Variants in ACSF3 observed in about 807,000 individuals in gnomAD.
The protein encoded by ACSF3 is acyl-CoA synthetase family member 3, also known as malonate--CoA ligase ACSF3, mitochondrial.
A neutral mutation model predicts 53.2 loss-of-function variants in ACSF3; 78 were observed. That is an observed-to-expected ratio of 1.47 (90% confidence interval 1.22 to 1.77). The LOEUF is 1.77. Ranked by LOEUF, ACSF3 falls within the 40% of genes most tolerant of loss-of-function variation. The pLI is 0.00. For missense variants in ACSF3, 937 were observed against 771.1 expected (o/e 1.22, Z -2.55); for synonymous variants, 414 against 333.1 (o/e 1.24, Z -2.65).
chr16:89,142,774 G>A (rs1463972377), intron 8 of ACSF3, among the ~76,000 whole-genome samples: 2 of 112,868 alleles, frequency 1.8e-5, no homozygotes, highest in African/African-American at 6.7e-5. Flanking sequence ...CACCTACAGA[G>A]ACACCCACAC....
chr16:89,143,714 G>A (rs1912333544), intron 8 of ACSF3, among the ~76,000 whole-genome samples: 1 of 152,154 alleles, frequency 6.6e-6, no homozygotes, highest in East Asian at 1.9e-4. Context: ...CAGGGGCGCA[G>A]TGAGACCACT....
At chr16:89,102,307 A>G (rs907611926) in intron 3 of ACSF3, 11 of 456,464 alleles carry the variant, frequency 2.4e-5, no homozygotes, top group Non-Finnish European at 4.1e-5. Context: ...GCAGGGGCGG[A>G]GCTCTGTCGA....
intron 8 of ACSF3, among the ~76,000 whole-genome samples, chr16:89,142,339 A>G (rs530631376): frequency 1.3e-5 from 2 of 152,310 alleles, no homozygotes; most frequent in East Asian, 1.9e-4. Flanking sequence ...CAAGGCCTAC[A>G]GCAGGGTCTC....
chr16:89,155,850 C>T lies in ACSF3; in HGVS notation c.*1643C>T. 1 of 445,104 alleles carries T rather than the reference C, an allele frequency of 2.2e-6. No homozygotes were observed. The highest frequency in any genetic ancestry group is 4.5e-6 in the Non-Finnish European group (1 of 222,706). 27.6% of individuals were successfully genotyped at this position (445,104 alleles called of 1,614,324 possible). On this transcript the variant is annotated 3_prime_UTR_variant, in exon 11 of 11. Transcript: ENST00000614302. ...ATCATTTGCTTTATCCGATAGTATA[C>T]ATCAGTATATCATGCTTTCGAAATA...
chr16:89,109,291 G>A (rs1438862847), intron 4 of ACSF3, among the ~76,000 whole-genome samples: 1 of 150,114 alleles, frequency 6.7e-6, no homozygotes, highest in Non-Finnish European at 1.5e-5. Flanking sequence ...CAAAATGGCT[G>A]TGTTGCTGTA....
chr16:89,153,383 C>A (rs1057257580), intron 10 of ACSF3: 1 of 155,372 alleles, frequency 6.4e-6, no homozygotes, highest in Non-Finnish European at 1.4e-5. Flanking sequence ...CCCAGCGCCT[C>A]GTCCCTGCCC....
intron 10 of ACSF3, 37 bp downstream of exon 10, chr16:89,146,086 G>C (rs376662531): frequency 2.0e-6 from 3 of 1,472,176 alleles, no homozygotes; most frequent in Non-Finnish European, 1.9e-6. Flanking sequence ...GCACTCATGG[G>C]GTCTTGGGGG....
chr16:89,112,973 A>G (rs1287339566), intron 5 of ACSF3, among the ~76,000 whole-genome samples: 2 of 151,892 alleles, frequency 1.3e-5, no homozygotes, highest in Non-Finnish European at 2.9e-5. Flanking sequence ...TCCCAGGACA[A>G]GCTGGTCTTT....
At chr16:89,133,372 A>T (rs1413602543) in intron 8 of ACSF3, 110 bp downstream of exon 8, 2 of 1,486,484 alleles carry the variant, frequency 1.3e-6, no homozygotes, top group East Asian at 4.7e-5. Flanking sequence ...ATTTTCAGCC[A>T]AAGGCAGAAG....
At chr16:89,134,311 A>G (rs1249671031) in intron 8 of ACSF3, among the ~76,000 whole-genome samples, 5 of 152,176 alleles carry the variant, frequency 3.3e-5, no homozygotes, top group Non-Finnish European at 5.9e-5. Flanking sequence ...GGGCCACAGA[A>G]AAGAACCATG....
chr16:89,100,132 C>T (rs543701235), intron 2 of ACSF3, among the ~76,000 whole-genome samples: 1 of 152,238 alleles, frequency 6.6e-6, no homozygotes, highest in Non-Finnish European at 1.5e-5. Flanking sequence ...CACAGCAAGA[C>T]CCTGTCTCAA....
chr16:89,126,245 A>C (rs1241454749), intron 7 of ACSF3, among the ~76,000 whole-genome samples: 3 of 152,192 alleles, frequency 2.0e-5, no homozygotes, highest in African/African-American at 7.2e-5. Context: ...AACTATTGTA[A>C]GTATGGCAGG....
At chr16:89,118,975 G>C (rs28733674) in intron 6 of ACSF3, among the ~76,000 whole-genome samples, 35 of 152,320 alleles carry the variant, frequency 2.3e-4, no homozygotes, top group Non-Finnish European at 4.6e-4. Flanking sequence ...GGGGCACAGC[G>C]AGCGGCACCT....
intron 2 of ACSF3, among the ~76,000 whole-genome samples, chr16:89,100,135 T>C (rs1975098905): frequency 6.6e-6 from 1 of 152,196 alleles, no homozygotes; most frequent in Non-Finnish European, 1.5e-5. Flanking sequence ...AGCAAGACCC[T>C]GTCTCAAAAA....
intron 4 of ACSF3, among the ~76,000 whole-genome samples, chr16:89,105,435 C>T (rs1459712035): frequency 6.6e-6 from 1 of 152,148 alleles, no homozygotes; most frequent in African/African-American, 2.4e-5. Flanking sequence ...AGTGAGTTCC[C>T]CGTGAGTGCA....
At chr16:89,111,236 T>C (rs1034409182) in intron 4 of ACSF3, among the ~76,000 whole-genome samples, 2 of 152,246 alleles carry the variant, frequency 1.3e-5, no homozygotes, top group African/African-American at 4.8e-5. Flanking sequence ...TTTGAAGGGT[T>C]CCAGTCTTTG....
chr16:89,120,875 T>TA lies in ACSF3; in HGVS notation c.1202dup (p.Tyr401Ter), dbSNP rs1284817386. 1.2e-6 allele frequency: 2 copies of TA among 1,614,064 alleles called. No individual in the cohort carries two copies. The highest frequency in any genetic ancestry group is 2.2e-5 in the South Asian group (2 of 91,088). Residue 401 changes from tyrosine (Y) to a stop codon, truncating the protein, a stop_gained and frameshift_variant, in exon 7 of 11, where the codon TAC becomes TAAC. Transcript: ENST00000614302. LOFTEE classifies it high-confidence loss of function. ...AAACCCACAGAGGGAAGCCTGCTCC[T>TA]ACACCATCCACGCAGAGGGAGACGA... Reference protein sequence around the residue: ...SENPQREACSYTIHAEGDERG... With the variant: ...SENPQREACS
chr16:89,114,656 C>A, intron 6 of ACSF3, 169 bp downstream of exon 6: 1 of 947,064 alleles, frequency 1.1e-6, no homozygotes, highest in South Asian at 1.4e-5. Context: ...GCGACCTGTC[C>A]CCTCTGGGTA....
Position 89,145,328 on chromosome 16 carries a change from C to T in ACSF3, c.1428C>T (p.Ile476=). ...TCCGAGGCCGGACCTCAGTGGACATCATCAAGACTGGAGGCTACAAGGTCA... is the reference window on the plus strand; with the variant it reads ...TCCGAGGCCGGACCTCAGTGGACATTATCAAGACTGGAGGCTACAAGGTCA... ...YWIRGRTSVD[I]IKTGGYKVSA... The change falls in exon 9 of 11, where the codon ATC becomes ATT. Residue 476 remains isoleucine, a synonymous_variant. Coordinates refer to ENST00000614302, the MANE Select transcript of ACSF3 (RefSeq NM_001243279.3). 1 of 1,614,206 alleles carries T rather than the reference C, an allele frequency of 6.2e-7. No homozygotes were observed. The highest frequency in any genetic ancestry group is 8.5e-7 in the Non-Finnish European group (1 of 1,180,026).
Sources: gnomAD v4.1 joint callset for allele counts (sites outside exome capture counted in the v4.1 genomes callset) on GRCh38, gnomAD v4.1.1 for gene constraint, MANE v1.5 for transcripts, NCBI Gene and HGNC (gene_info 2026-07-23, HGNC 2026-07-21) for gene names.